Variants in GABRB1 observed in about 807,000 individuals in gnomAD.
GABRB1 encodes the protein gamma-aminobutyric acid type A receptor subunit beta1, also known as gamma-aminobutyric acid receptor subunit beta-1.
In GABRB1, 17 loss-of-function variants were observed where a neutral mutation model predicts 51.6. The ratio of observed to expected loss-of-function variants is 0.33; its 90% CI spans 0.23 to 0.49. The LOEUF (loss-of-function observed/expected upper bound fraction) is 0.49, where lower values mean the gene tolerates loss of function less well. Among genes scored for constraint, GABRB1 ranks in the 20% least tolerant of loss-of-function variants. GABRB1 has a pLI of 0.99. For synonymous variants in GABRB1, 247 were observed against 218.9 expected (o/e 1.13, Z -1.14); for missense variants, 410 against 600.6 (o/e 0.68, Z 3.32).
intron 1 of GABRB1, among the ~76,000 whole-genome samples, chr4:47,010,583 C>G (rs1177860785): frequency 1.3e-5 from 2 of 152,218 alleles, no homozygotes; most frequent in African/African-American, 4.8e-5. Context: ...ATGATCAACT[C>G]AAATGTTGCC....
chr4:47,100,877 C>T (rs971353), intron 3 of GABRB1, among the ~76,000 whole-genome samples: 116,302 of 151,734 alleles, frequency 0.77, 44,775 homozygotes, highest in Middle Eastern at 0.82. Flanking sequence ...ATGCAAATAT[C>T]CTGCAAGAGA....
intron 4 of GABRB1, among the ~76,000 whole-genome samples, chr4:47,314,332 C>A (rs1182281400): frequency 6.6e-6 from 1 of 151,972 alleles, no homozygotes; most frequent in African/African-American, 2.4e-5. Context: ...AGTACCCATA[C>A]ACATGAGACA....
At chr4:47,114,211 C>T (rs1177213674) in intron 3 of GABRB1, among the ~76,000 whole-genome samples, 2 of 152,180 alleles carry the variant, frequency 1.3e-5, no homozygotes, top group Non-Finnish European at 1.5e-5. Context: ...ATGAAGAGAA[C>T]TGTCTAAACC....
At chr4:47,376,999 GTATT>G (rs1255703978) in intron 5 of GABRB1, among the ~76,000 whole-genome samples, 2 of 151,632 alleles carry the variant, frequency 1.3e-5, no homozygotes, top group South Asian at 4.2e-4. Context: ...ACATCACATT[GTATT>G]TATTTATCCA....
chr4:47,031,748 G>C lies in GABRB1; in HGVS notation c.80+17G>C, dbSNP rs770707765. The stretch of plus-strand genomic sequence containing the variant: ...TGCACACAGGTGAGCTGCTGTTGTT[G>C]AATCTCGCTCTCTCTCTCTCTCTCT... On this transcript the variant is annotated intron_variant, in intron 1 of 8. Transcript: ENST00000295454. 1 of 1,572,110 alleles carries C rather than the reference G, an allele frequency of 6.4e-7. No homozygotes were observed. Among genetic ancestry groups the C allele is most frequent in the Admixed American group, 1.7e-5 (1 of 58,350 alleles).
At chr4:47,370,012 T>C (rs1727129357) in intron 5 of GABRB1, among the ~76,000 whole-genome samples, 1 of 152,030 alleles carries the variant, frequency 6.6e-6, no homozygotes, top group Non-Finnish European at 1.5e-5. Flanking sequence ...TATAAACATA[T>C]AAAGATGCTT....
chr4:47,198,132 G>C (rs1034814520), intron 4 of GABRB1, among the ~76,000 whole-genome samples: 2 of 152,150 alleles, frequency 1.3e-5, no homozygotes, highest in Non-Finnish European at 2.9e-5. Context: ...ATAAACTGCA[G>C]GTTTCAGAGC....
At chr4:47,126,786 G>A (rs981888362) in intron 3 of GABRB1, among the ~76,000 whole-genome samples, 15 of 151,974 alleles carry the variant, frequency 9.9e-5, no homozygotes, top group African/African-American at 3.6e-4. Context: ...TCTTCACAAG[G>A]TTGAACTAAT....
chr4:47,051,161 A>T (rs1164644858), intron 3 of GABRB1, among the ~76,000 whole-genome samples: 1 of 152,228 alleles, frequency 6.6e-6, no homozygotes, highest in Non-Finnish European at 1.5e-5. Context: ...AAGGAGGGAA[A>T]AAAAAGACGG....
intron 3 of GABRB1, among the ~76,000 whole-genome samples, chr4:47,069,664 C>T (rs1188153434): frequency 6.6e-6 from 1 of 152,076 alleles, no homozygotes; most frequent in Non-Finnish European, 1.5e-5. Flanking sequence ...ATTAGAAAGG[C>T]CTTCCTCTCA....
intron 3 of GABRB1, among the ~76,000 whole-genome samples, chr4:47,159,307 A>T (rs1717837031): frequency 6.6e-6 from 1 of 152,036 alleles, no homozygotes; most frequent in South Asian, 2.1e-4. Flanking sequence ...AAAGAAAAAA[A>T]AGAGGCATCT....
rs71195605 is a variant in GABRB1, at chr4:47,125,559, C to CTTTTTTTTTTTT, written c.241-35687_241-35676dup. On this transcript the variant is annotated intron_variant, in intron 3 of 8. Coordinates refer to ENST00000295454, the MANE Select transcript of GABRB1 (RefSeq NM_000812.4). ...CTCTAGACACAACAAAGTATAATTTCTTTTTTTTTTTTTTGAGACGGAGTC... is the reference window on the plus strand; with the variant it reads ...CTCTAGACACAACAAAGTATAATTTCTTTTTTTTTTTTTTTTTTTTTTTTTTGAGACGGAGTC... Among the ~76,000 whole-genome samples, 127 of 80,704 alleles carry CTTTTTTTTTTTT rather than the reference C, an allele frequency of 1.6e-3. 27 individuals carry two copies. Among genetic ancestry groups the CTTTTTTTTTTTT allele is most frequent in the East Asian group, 4.2e-3 (11 of 2,596 alleles). 52.9% of individuals were successfully genotyped at this position (80,704 alleles called of 152,430 possible). A position where few individuals can be genotyped will look rare whatever the true frequency, so the allele number is the denominator to read the frequency against.
chr4:47,160,655 A>G (rs1717903448), intron 3 of GABRB1, among the ~76,000 whole-genome samples: 2 of 152,064 alleles, frequency 1.3e-5, no homozygotes, highest in South Asian at 4.1e-4. Context: ...CCATGACATC[A>G]TTACCTTAAC....
chr4:47,105,886 C>A (rs966066325), intron 3 of GABRB1, among the ~76,000 whole-genome samples: 1 of 152,054 alleles, frequency 6.6e-6, no homozygotes, highest in Non-Finnish European at 1.5e-5. Flanking sequence ...ACACACTCAG[C>A]CTTCAGCAGT....
At chr4:47,197,468 T>C (rs17600022) in intron 4 of GABRB1, among the ~76,000 whole-genome samples, 21,028 of 152,158 alleles carry the variant, frequency 0.14, 1,898 homozygotes, top group East Asian at 0.31. Flanking sequence ...GAAGTGTTGG[T>C]GTTTCCTTAC....
intron 4 of GABRB1, among the ~76,000 whole-genome samples, chr4:47,210,609 A>G (rs1328552101): frequency 1.3e-5 from 2 of 152,204 alleles, no homozygotes; most frequent in African/African-American, 4.8e-5. Context: ...TAAATAAAAT[A>G]TAATACTTGG....
At chr4:47,338,452 C>T (rs759646968) in intron 5 of GABRB1, among the ~76,000 whole-genome samples, 1 of 152,202 alleles carries the variant, frequency 6.6e-6, no homozygotes, top group Non-Finnish European at 1.5e-5. Context: ...AGATCATTGA[C>T]CAGTAACTAG....
chr4:47,253,572 T>C (rs1277643771), intron 4 of GABRB1, among the ~76,000 whole-genome samples: 1 of 152,206 alleles, frequency 6.6e-6, no homozygotes, highest in African/African-American at 2.4e-5. Context: ...TTTCCAATGG[T>C]CTAATATATT....
intron 4 of GABRB1, among the ~76,000 whole-genome samples, chr4:47,167,448 T>C (rs1718236607): frequency 6.6e-6 from 1 of 152,088 alleles, no homozygotes; most frequent in Admixed American, 6.6e-5. Flanking sequence ...CTTCTCCTCC[T>C]AGCCCCTACA....
Sources: gnomAD v4.1 joint callset for allele counts (sites outside exome capture counted in the v4.1 genomes callset) on GRCh38, gnomAD v4.1.1 for gene constraint, MANE v1.5 for transcripts, NCBI Gene and HGNC (gene_info 2026-07-23, HGNC 2026-07-21) for gene names.